PLEKHM3: variants seen among roughly 807,000 people sequenced by gnomAD.
The protein encoded by PLEKHM3 is pleckstrin homology domain-containing family M member 3.
Under a neutral mutation model 81.8 loss-of-function variants are expected in PLEKHM3, and 45 were observed. The observed-to-expected ratio is 0.55, with a 90% confidence interval of 0.43 to 0.71. The LOEUF (loss-of-function observed/expected upper bound fraction) is 0.71. Among genes scored for constraint, PLEKHM3 ranks in the 30% least tolerant of loss-of-function variants. The pLI, the probability that PLEKHM3 is intolerant of heterozygous loss-of-function variation, is 0.00. For missense variants in PLEKHM3, 788 were observed against 924.3 expected (o/e 0.85, Z 1.91); for synonymous variants, 352 against 356.4 (o/e 0.99, Z 0.14).
intron 4 of PLEKHM3, among the ~76,000 whole-genome samples, chr2:207,938,819 T>C (rs1009151412): frequency 1.3e-5 from 2 of 152,170 alleles, no homozygotes; most frequent in African/African-American, 4.8e-5. Context: ...CAAATCTAAT[T>C]ACTTGAATGA....
chr2:207,868,613 T>C (rs879257800), intron 6 of PLEKHM3: 7 of 152,340 alleles, frequency 4.6e-5, no homozygotes, highest in South Asian at 2.1e-4. Flanking sequence ...ATTTAATACA[T>C]TGAAAGCATC....
chr2:207,835,656 T>C (rs2092314972), intron 7 of PLEKHM3, among the ~76,000 whole-genome samples: 2 of 152,196 alleles, frequency 1.3e-5, no homozygotes, highest in African/African-American at 4.8e-5. Flanking sequence ...TTTTATTTCA[T>C]TTATTTGCAT....
chr2:207,848,099 T>G (rs2092394158), intron 7 of PLEKHM3, among the ~76,000 whole-genome samples: 1 of 152,116 alleles, frequency 6.6e-6, no homozygotes, highest in Non-Finnish European at 1.5e-5. Flanking sequence ...AATCCAGGTA[T>G]TTAGTCTGTT....
chr2:208,025,356 G>C (rs1163910126), intron 1 of PLEKHM3, 33 bp downstream of exon 1: 1 of 152,342 alleles, frequency 6.6e-6, no homozygotes, highest in African/African-American at 2.4e-5. Context: ...CAAACTGGCC[G>C]GCCAGGCAGC....
chr2:208,024,099 C>T (rs1231043458), intron 1 of PLEKHM3, among the ~76,000 whole-genome samples: 1 of 150,056 alleles, frequency 6.7e-6, no homozygotes, highest in African/African-American at 2.5e-5. Context: ...GCCATGATCA[C>T]GCCACTGTAC....
chr2:207,914,173 C>T (rs1036221364), intron 5 of PLEKHM3, among the ~76,000 whole-genome samples: 1 of 151,830 alleles, frequency 6.6e-6, no homozygotes, highest in Admixed American at 6.6e-5. Flanking sequence ...GGCAACATAG[C>T]AAGACCCTAT....
At chr2:207,886,029 AT>A (rs1004880113) in intron 6 of PLEKHM3, among the ~76,000 whole-genome samples, 1 of 152,136 alleles carries the variant, frequency 6.6e-6, no homozygotes, top group African/African-American at 2.4e-5. Flanking sequence ...GATCAGTATA[AT>A]TTTTTTCAAG....
chr2:208,014,001 G>A (rs1692790355), intron 1 of PLEKHM3, among the ~76,000 whole-genome samples: 1 of 152,160 alleles, frequency 6.6e-6, no homozygotes, highest in Non-Finnish European at 1.5e-5. Context: ...CATCCCGAGA[G>A]TATGAGACCA....
chr2:207,967,898 A>T (rs1213446500), intron 3 of PLEKHM3, among the ~76,000 whole-genome samples: 1 of 152,124 alleles, frequency 6.6e-6, no homozygotes, highest in Non-Finnish European at 1.5e-5. Flanking sequence ...CAGAAACCCA[A>T]GCAGTCTGGC....
intron 1 of PLEKHM3, among the ~76,000 whole-genome samples, chr2:208,013,209 C>T (rs922764986): frequency 2.0e-5 from 3 of 152,206 alleles, no homozygotes; most frequent in African/African-American, 7.2e-5. Context: ...CAAAACCAAT[C>T]ATTCCTGCTC....
rs1033863412 is a variant in PLEKHM3 at position 208,001,373 on chromosome 2, G to C, written c.267C>G (p.Phe89Leu). Reference sequence around the variant, plus strand: ...GGACCATAAACTGTTCTTTGGCAGGGAAGACATTTTGAGCTTTGGTTTCTA... The same window carrying C: ...GGACCATAAACTGTTCTTTGGCAGGCAAGACATTTTGAGCTTTGGTTTCTA... ...RLLETKAQNV[F>L]PAKEQFMVQR... The change falls in exon 2 of 8, where the codon TTC becomes TTG. Residue 89 changes from phenylalanine (F) to leucine (L), a missense_variant. Coordinates refer to ENST00000427836, the MANE Select transcript of PLEKHM3 (RefSeq NM_001080475.3). 91 of 1,614,068 alleles carry C rather than the reference G, an allele frequency of 5.6e-5. No homozygotes were observed. Among genetic ancestry groups the C allele is most frequent in the Non-Finnish European group, 7.5e-5 (88 of 1,180,048 alleles).
chr2:207,836,764 T>C (rs974550073), intron 7 of PLEKHM3, among the ~76,000 whole-genome samples: 2 of 152,190 alleles, frequency 1.3e-5, no homozygotes, highest in Non-Finnish European at 2.9e-5. Flanking sequence ...GCTGTGTTCA[T>C]GTTGGGTTCT....
At chr2:207,864,771 C>G (rs1367257211) in intron 6 of PLEKHM3, among the ~76,000 whole-genome samples, 1 of 152,176 alleles carries the variant, frequency 6.6e-6, no homozygotes, top group East Asian at 1.9e-4. Context: ...AAATAGGGAC[C>G]TTAATAAGCT....
rs940522938 is a variant in PLEKHM3 at position 207,822,026 on chromosome 2, T to C, written c.*6293A>G. The C allele has an allele frequency of 6.6e-6, 1 of 152,250 alleles. No individual in the cohort carries two copies. Among genetic ancestry groups the C allele is most frequent in the African/African-American group, 2.4e-5 (1 of 41,458 alleles). 9.4% of individuals were successfully genotyped at this position (152,250 alleles called of 1,614,324 possible). ...GTTTTTTGAGATGGGTCTCACCATA[T>C]TGCACAGGCTCCTGGGCTCAAGCAA... On this transcript the variant is annotated 3_prime_UTR_variant, in exon 8 of 8. Coordinates refer to ENST00000427836, the MANE Select transcript of PLEKHM3 (RefSeq NM_001080475.3).
At chr2:207,868,071 C>T (rs2092511936) in intron 6 of PLEKHM3, among the ~76,000 whole-genome samples, 1 of 152,188 alleles carries the variant, frequency 6.6e-6, no homozygotes, top group Admixed American at 6.5e-5. Context: ...CATTTGAACT[C>T]TGCTATGTCA....
chr2:207,900,316 C>A (rs989809242), intron 6 of PLEKHM3: 3 of 152,200 alleles, frequency 2.0e-5, no homozygotes, highest in Non-Finnish European at 4.4e-5. Flanking sequence ...GACTTCCTTA[C>A]AACATGGCCA....
chr2:207,945,911 A>AT (rs1690110047), intron 4 of PLEKHM3, among the ~76,000 whole-genome samples: 1 of 151,602 alleles, frequency 6.6e-6, no homozygotes. Context: ...AAAAAAAAAA[A>AT]GCCGACACAA....
Position 207,940,112 on chromosome 2 carries a change from C to T in PLEKHM3, c.1692+6255G>A, listed in dbSNP as rs148913535. ...TTCTTTCATTCATTTAATATACATT[C>T]CTGCTTGTCTACTATGTGCCAGAAC... is the stretch of plus-strand genomic sequence containing the variant. On this transcript the variant is annotated intron_variant, in intron 4 of 7. Coordinates refer to ENST00000427836, the MANE Select transcript of PLEKHM3 (RefSeq NM_001080475.3). Among the ~76,000 whole-genome samples the T allele has an allele frequency of 1.3e-3, 201 of 152,306 alleles. 2 individuals carry two copies. The highest frequency in any genetic ancestry group is 4.6e-3 in the African/African-American group (192 of 41,576).
intron 4 of PLEKHM3, among the ~76,000 whole-genome samples, chr2:207,935,955 AG>A (rs1216499088): frequency 6.6e-6 from 1 of 152,198 alleles, no homozygotes; most frequent in Non-Finnish European, 1.5e-5. Flanking sequence ...TTTATACAAA[AG>A]TTACTTATTT....
Sources: gnomAD v4.1 joint callset for allele counts (sites outside exome capture counted in the v4.1 genomes callset) on GRCh38, gnomAD v4.1.1 for gene constraint, MANE v1.5 for transcripts, NCBI Gene and HGNC (gene_info 2026-07-23, HGNC 2026-07-21) for gene names.